The following USH2A variants were observed in gnomAD, a reference collection of about 807,000 sequenced individuals.
USH2A encodes the protein Usher syndrome 2A (autosomal recessive, mild).
A neutral mutation model predicts 538.9 loss-of-function variants in USH2A; 443 were observed. The ratio of observed to expected loss-of-function variants is 0.82; its 90% confidence interval spans 0.76 to 0.89. The LOEUF is 0.89. Among genes scored for constraint, USH2A ranks in the 40% least tolerant of loss-of-function variants. The probability of loss-of-function intolerance (pLI) is 0.00; values close to 1 mark genes in which losing one functional copy is unlikely to be tolerated. For missense variants in USH2A, 6,633 were observed against 6,324.8 expected (o/e 1.05, Z -1.65); for synonymous variants, 2,413 against 2,273.5 (o/e 1.06, Z -1.75).
In USH2A at chr1:215,645,965, A is replaced by G. The variant is rs189733018; in HGVS notation, c.14791+1557T>C. On this transcript the variant is annotated intron_variant, in intron 67 of 71. Transcript: ENST00000307340. ...GTCCCAATTAATTTATATATGGAAT[A>G]TTGTATAGCCATTAAAATTGGTGGC... 1.2e-3 allele frequency among the ~76,000 whole-genome samples: 176 copies of G among 152,306 alleles called. 1 individual carries two copies. The highest frequency in any genetic ancestry group is 4.1e-3 in the African/African-American group (172 of 41,568).
chr1:216,386,875 A>AATG (rs1304120104), intron 3 of USH2A, among the ~76,000 whole-genome samples: 1 of 152,064 alleles, frequency 6.6e-6, no homozygotes, highest in African/African-American at 2.4e-5. Context: ...AAATAATAAT[A>AATG]ATAGTAATTT....
chr1:216,111,156 G>A (rs770327829), intron 21 of USH2A, among the ~76,000 whole-genome samples: 65 of 152,202 alleles, frequency 4.3e-4, no homozygotes, highest in Middle Eastern at 3.4e-3. Flanking sequence ...TCCTGGAGGC[G>A]GAGGTTGGAG....
chr1:216,369,726 C>T (rs1272570659), intron 3 of USH2A, among the ~76,000 whole-genome samples: 1 of 151,700 alleles, frequency 6.6e-6, no homozygotes, highest in African/African-American at 2.4e-5. Flanking sequence ...GCCTGGCCAA[C>T]ATAGTGAAAC....
At chr1:216,242,178 C>T (rs1174249931) in intron 13 of USH2A, among the ~76,000 whole-genome samples, 2 of 112,972 alleles carry the variant, frequency 1.8e-5, no homozygotes, top group Non-Finnish European at 3.5e-5. Flanking sequence ...GGTGAAACCC[C>T]ATCTCTGCTT....
chr1:215,782,459 C>T (rs908464770), intron 53 of USH2A, among the ~76,000 whole-genome samples: 1 of 152,088 alleles, frequency 6.6e-6, no homozygotes, highest in African/African-American at 2.4e-5. Context: ...ACTCTTTCCC[C>T]TTCTCTGAAT....
chr1:215,996,686 C>T (rs1668151954), intron 34 of USH2A, among the ~76,000 whole-genome samples: 1 of 139,028 alleles, frequency 7.2e-6, no homozygotes, highest in African/African-American at 2.7e-5. Context: ...GTCTTAGAAC[C>T]TTTATGAAAT....
chr1:216,097,203 G>A lies in USH2A; in HGVS notation c.4638C>T (p.Ala1546=), dbSNP rs750235751. 5 of 1,613,994 alleles carry A rather than the reference G, an allele frequency of 3.1e-6. No homozygotes were observed. In the East Asian group the frequency reaches 1.1e-4, roughly 36 times the overall value. ...CTTCAGGCACTTTTGTTCGAAAGCT[G>A]GCCTTAATGCCTGGTAAGACAAGTG... ...PVNTDFTGIK[A]SFRTKVPEGL... is the part of the protein sequence containing the mutation. The change falls in exon 22 of 72, where the codon GCC becomes GCT. Residue 1546 remains alanine, a synonymous_variant. Transcript: ENST00000307340.
intron 11 of USH2A, among the ~76,000 whole-genome samples, chr1:216,281,458 G>C (rs781206950): frequency 1.2e-4 from 19 of 152,064 alleles, no homozygotes; most frequent in Non-Finnish European, 2.6e-4. Context: ...TTTGCACTTG[G>C]AAACAAAACA....
intron 69 of USH2A, among the ~76,000 whole-genome samples, chr1:215,636,358 C>T (rs1656486745): frequency 6.6e-6 from 1 of 152,226 alleles, no homozygotes; most frequent in African/African-American, 2.4e-5. Context: ...TTTGCCAACC[C>T]TAACTCTGCT....
chr1:215,682,778 C>T (rs2820674), intron 61 of USH2A, among the ~76,000 whole-genome samples: 1 of 151,496 alleles, frequency 6.6e-6, no homozygotes, highest in South Asian at 2.1e-4. Flanking sequence ...AGAGAAATAA[C>T]CACATGTTGG....
chr1:215,975,698 T>C (rs1667603965), intron 35 of USH2A, among the ~76,000 whole-genome samples: 1 of 152,198 alleles, frequency 6.6e-6, no homozygotes, highest in South Asian at 2.1e-4. Flanking sequence ...ACCAGTATCA[T>C]GTTGTTTTGG....
chr1:215,928,204 C>G (rs553380618), intron 38 of USH2A, among the ~76,000 whole-genome samples: 2 of 151,916 alleles, frequency 1.3e-5, no homozygotes, highest in Non-Finnish European at 2.9e-5. Flanking sequence ...TTTAAATCAC[C>G]TACTTATAAG....
chr1:215,675,006 C>T lies in USH2A; in HGVS notation c.12905G>A (p.Arg4302Lys). The part of the protein sequence containing the change: ...NGIIQSYRLQ[R>K]NEMLYPFSFD... ...GCTAAAAGGATAGAGCATTTCATTC[C>T]TTTGAAGCCTATAGGACTGGATAAT... is the stretch of plus-strand genomic sequence containing the variant. The change falls in exon 63 of 72, where the codon AGG becomes AAG. Residue 4302 changes from arginine (R) to lysine (K), a missense_variant. By Grantham distance (26) the Arg-to-Lys change is conservative (BLOSUM62 2). Transcript: ENST00000307340. 1 of 1,614,160 alleles carries T rather than the reference C, an allele frequency of 6.2e-7. No individual in the cohort carries two copies. The highest frequency in any genetic ancestry group is 2.2e-5 in the East Asian group (1 of 44,860).
chr1:216,186,027 T>C (rs2034592855), intron 20 of USH2A, among the ~76,000 whole-genome samples: 1 of 151,820 alleles, frequency 6.6e-6, no homozygotes, highest in African/African-American at 2.4e-5. Context: ...GACTTTCTTT[T>C]TCTGCTGGGC....
chr1:215,887,586 A>G (rs1442182117), intron 41 of USH2A, among the ~76,000 whole-genome samples: 1 of 152,242 alleles, frequency 6.6e-6, no homozygotes, highest in African/African-American at 2.4e-5. Context: ...AGACTTTTAA[A>G]AATAGCTTTT....
At chr1:216,252,629 A>G (rs888570606) in intron 11 of USH2A, among the ~76,000 whole-genome samples, 33 of 152,226 alleles carry the variant, frequency 2.2e-4, no homozygotes, top group Admixed American at 1.2e-3. Flanking sequence ...AGACTGAAAA[A>G]TAAATGGTTA....
intron 21 of USH2A, among the ~76,000 whole-genome samples, chr1:216,150,740 T>A (rs949617885): frequency 6.6e-6 from 1 of 152,132 alleles, no homozygotes; most frequent in South Asian, 2.1e-4. Context: ...ACTCCCCCCA[T>A]ATTTGGACCT....
At chr1:216,411,082 T>C (rs1251469653) in intron 3 of USH2A, among the ~76,000 whole-genome samples, 1 of 151,570 alleles carries the variant, frequency 6.6e-6, no homozygotes. Context: ...TAGAGTTCCA[T>C]TTAAAAAAAA....
At chr1:215,892,656 A>G (rs1437764682) in intron 40 of USH2A, among the ~76,000 whole-genome samples, 2 of 152,334 alleles carry the variant, frequency 1.3e-5, no homozygotes, top group Non-Finnish European at 2.9e-5. Context: ...CAATAAAATA[A>G]AGAAATATTA....
Sources: gnomAD v4.1 joint callset for allele counts (sites outside exome capture counted in the v4.1 genomes callset) on GRCh38, gnomAD v4.1.1 for gene constraint, MANE v1.5 for transcripts, NCBI Gene and HGNC (gene_info 2026-07-23, HGNC 2026-07-21) for gene names.